PTPRG: variants seen among roughly 807,000 people sequenced by gnomAD.
PTPRG encodes protein tyrosine phosphatase receptor type G, also known as receptor-type tyrosine-protein phosphatase gamma.
A neutral mutation model predicts 165.3 loss-of-function variants in PTPRG; 102 were observed. That is an observed-to-expected ratio of 0.62 (90% CI 0.53 to 0.73). The LOEUF is 0.73. Among genes scored for constraint, PTPRG ranks in the 30% least tolerant of loss-of-function variants. PTPRG has a pLI of 0.00. For missense variants in PTPRG, 1,866 were observed against 1,861.4 expected (o/e 1.00, Z -0.05); for synonymous variants, 675 against 669.5 (o/e 1.01, Z -0.13).
At chr3:61,591,910 A>C (rs1344321433) in intron 1 of PTPRG, among the ~76,000 whole-genome samples, 1 of 152,144 alleles carries the variant, frequency 6.6e-6, no homozygotes, top group African/African-American at 2.4e-5. Context: ...TTGTTCCTCA[A>C]AGGGGTAGAA....
intron 1 of PTPRG, among the ~76,000 whole-genome samples, chr3:61,714,422 T>A (rs1361455096): frequency 6.6e-6 from 1 of 152,140 alleles, no homozygotes; most frequent in Non-Finnish European, 1.5e-5. Context: ...ATAGCTGGAA[T>A]GTGAATACAA....
chr3:62,191,093 T>G (rs1463526756), intron 8 of PTPRG, among the ~76,000 whole-genome samples: 1 of 152,130 alleles, frequency 6.6e-6, no homozygotes, highest in Non-Finnish European at 1.5e-5. Flanking sequence ...CGTGCATGTG[T>G]GTGTGTGCAT....
chr3:61,590,429 C>G (rs1700540593), intron 1 of PTPRG, among the ~76,000 whole-genome samples: 1 of 152,008 alleles, frequency 6.6e-6, no homozygotes, highest in Admixed American at 6.6e-5. Flanking sequence ...GAGGCTGAGG[C>G]AGGAGAATCG....
At chr3:61,879,356 C>G (rs184815111) in intron 2 of PTPRG, among the ~76,000 whole-genome samples, 6 of 152,294 alleles carry the variant, frequency 3.9e-5, no homozygotes, top group Admixed American at 3.9e-4. Context: ...ACATGGGAGT[C>G]TTTTCCCATT....
At chr3:61,997,179 C>T (rs1229065437) in intron 3 of PTPRG, among the ~76,000 whole-genome samples, 2 of 152,200 alleles carry the variant, frequency 1.3e-5, no homozygotes, top group Non-Finnish European at 2.9e-5. Context: ...TTACTCAGCA[C>T]GTCCAGTGAC....
intron 3 of PTPRG, among the ~76,000 whole-genome samples, chr3:61,991,458 G>A (rs1475830727): frequency 1.3e-5 from 2 of 151,998 alleles, no homozygotes; most frequent in African/African-American, 2.4e-5. Context: ...TCCTCGCCTC[G>A]ACCTCCCAAA....
chr3:62,220,647 A>T (rs1441491831), intron 13 of PTPRG, among the ~76,000 whole-genome samples: 1 of 152,166 alleles, frequency 6.6e-6, no homozygotes, highest in Admixed American at 6.5e-5. Context: ...TTTTGGGGTG[A>T]GCATAGGAAC....
intron 16 of PTPRG, among the ~76,000 whole-genome samples, chr3:62,258,208 T>G (rs1307067177): frequency 3.3e-5 from 5 of 152,090 alleles, no homozygotes; most frequent in African/African-American, 1.2e-4. Context: ...TTATCCAACA[T>G]GTAGGCCTAA....
At chr3:62,026,588 TA>T (rs1256898707) in intron 4 of PTPRG, among the ~76,000 whole-genome samples, 1 of 152,146 alleles carries the variant, frequency 6.6e-6, no homozygotes, top group Non-Finnish European at 1.5e-5. Context: ...TTTCTCACCT[TA>T]AAAGCATGTA....
chr3:62,107,137 A>G (rs1702500201), intron 5 of PTPRG, among the ~76,000 whole-genome samples: 1 of 152,208 alleles, frequency 6.6e-6, no homozygotes, highest in African/African-American at 2.4e-5. Context: ...ATGGTTGGTT[A>G]TATCTCACTT....
intron 4 of PTPRG, among the ~76,000 whole-genome samples, chr3:62,037,219 T>C (rs1699974670): frequency 6.6e-6 from 1 of 152,170 alleles, no homozygotes; most frequent in Non-Finnish European, 1.5e-5. Flanking sequence ...GCTGGCCCCA[T>C]AGGTCATATA....
intron 1 of PTPRG, among the ~76,000 whole-genome samples, chr3:61,602,074 G>A (rs1700884000): frequency 1.3e-5 from 2 of 152,278 alleles, no homozygotes; most frequent in Non-Finnish European, 2.9e-5. Flanking sequence ...GCAAGATGCA[G>A]CTGGCTAATT....
Position 61,708,600 on chromosome 3 carries a change from G to T in PTPRG, c.86-40278G>T, listed in dbSNP as rs554301253. Among the ~76,000 whole-genome samples the T allele has an allele frequency of 2.8e-4, 42 of 151,634 alleles. No homozygotes were observed. In the Middle Eastern group the frequency reaches 0.031, roughly 111 times the overall value. ...CTCCTGAGTAGCTGGGACTACAGGC[G>T]CCTGCCACCACGCCCAGCTAATTTT... is the stretch of plus-strand genomic sequence containing the variant. On this transcript the variant is annotated intron_variant, in intron 1 of 29. Transcript: ENST00000474889.
At chr3:61,912,404 T>A (rs994365923) in intron 2 of PTPRG, among the ~76,000 whole-genome samples, 5 of 152,212 alleles carry the variant, frequency 3.3e-5, no homozygotes, top group African/African-American at 1.2e-4. Context: ...TACTCATGGA[T>A]TTGCATTCTG....
chr3:62,018,685 C>A (rs552231776), intron 4 of PTPRG, among the ~76,000 whole-genome samples: 19 of 152,304 alleles, frequency 1.2e-4, no homozygotes, highest in Admixed American at 1.2e-3. Flanking sequence ...CCAGCAGTAG[C>A]ATTACAAAGC....
At chr3:61,853,312 T>C (rs936313845) in intron 2 of PTPRG, among the ~76,000 whole-genome samples, 4 of 152,208 alleles carry the variant, frequency 2.6e-5, no homozygotes, top group African/African-American at 4.8e-5. Flanking sequence ...CTGGTTTGTG[T>C]GATCAGTTGA....
Position 62,254,856 on chromosome 3 carries a change from T to A in PTPRG, c.2468-268T>A, listed in dbSNP as rs1701501907. 6.6e-6 allele frequency among the ~76,000 whole-genome samples: 1 copy of A among 152,166 alleles called. No individual in the cohort carries two copies. Among genetic ancestry groups the A allele is most frequent in the Non-Finnish European group, 1.5e-5 (1 of 68,040 alleles). ...GCTATGGTAATTTAACTATGTAAATTGCGTTGAATATAAAAATAAGGGGAA... is the reference window on the plus strand; with the variant it reads ...GCTATGGTAATTTAACTATGTAAATAGCGTTGAATATAAAAATAAGGGGAA... On this transcript the variant is annotated intron_variant, in intron 15 of 29. Coordinates refer to ENST00000474889, the MANE Select transcript of PTPRG (RefSeq NM_002841.4). This position sits in a 1 kb window ranked among gnomAD's most constrained non-coding sequence, Gnocchi z 4.6.
intron 2 of PTPRG, among the ~76,000 whole-genome samples, chr3:61,815,555 C>T (rs961761625): frequency 6.6e-6 from 1 of 152,116 alleles, no homozygotes; most frequent in Non-Finnish European, 1.5e-5. Flanking sequence ...TTGATCTAAT[C>T]AGAGAATACG....
chr3:61,564,203 C>T (rs1440155691), intron 1 of PTPRG, among the ~76,000 whole-genome samples: 2 of 152,236 alleles, frequency 1.3e-5, no homozygotes, highest in African/African-American at 4.8e-5. Context: ...CTAGTCTCCC[C>T]TGCTTTACCA....
Sources: allele counts gnomAD v4.1 joint callset (sites outside exome capture counted in the v4.1 genomes callset), GRCh38; gene constraint gnomAD v4.1.1; non-coding constraint Gnocchi (gnomAD v3.1); transcripts MANE v1.5; gene names NCBI Gene and HGNC (gene_info 2026-07-23, HGNC 2026-07-21).